Variants in TMEM87B observed in about 807,000 individuals in gnomAD.
TMEM87B encodes the protein transmembrane protein 87B.
TMEM87B carries 83 observed loss-of-function variants against 80.3 expected under a neutral mutation model. The ratio of observed to expected loss-of-function variants is 1.03; its 90% CI spans 0.87 to 1.24. TMEM87B has a LOEUF of 1.24. TMEM87B is among the 50% of genes most tolerant of loss of function. The pLI is 0.00. For synonymous variants in TMEM87B, 219 were observed against 230.5 expected, an observed-to-expected ratio of 0.95 and a Z score of 0.45; for missense variants, 625 against 674.4, an observed-to-expected ratio of 0.93 and a Z score of 0.81.
At chr2:112,102,492 G>A (rs945283275) in intron 15 of TMEM87B, among the ~76,000 whole-genome samples, 1 of 152,050 alleles carries the variant, frequency 6.6e-6, no homozygotes, top group African/African-American at 2.4e-5. Flanking sequence ...TCAGGAGTTC[G>A]AGACCAGCCT....
At chr2:112,081,801 C>A (rs1482579030) in intron 8 of TMEM87B, among the ~76,000 whole-genome samples, 2 of 152,178 alleles carry the variant, frequency 1.3e-5, no homozygotes, top group Non-Finnish European at 2.9e-5. Context: ...ATTAAAACAG[C>A]ACAAAGTTCG....
At chr2:112,061,112 G>A (rs55968417) in intron 2 of TMEM87B, among the ~76,000 whole-genome samples, 4 of 152,268 alleles carry the variant, frequency 2.6e-5, no homozygotes, top group Non-Finnish European at 5.9e-5. Flanking sequence ...GAGTTTTAAG[G>A]TTGATAAAAG....
chr2:112,102,872 C>G (rs1249623207), intron 15 of TMEM87B, among the ~76,000 whole-genome samples: 1 of 152,124 alleles, frequency 6.6e-6, no homozygotes, highest in Non-Finnish European at 1.5e-5. Context: ...TGAACACTTT[C>G]TTCTCAAGAT....
At chr2:112,087,606 A>G (rs764000125) in intron 9 of TMEM87B, among the ~76,000 whole-genome samples, 1 of 151,888 alleles carries the variant, frequency 6.6e-6, no homozygotes, top group Non-Finnish European at 1.5e-5. Context: ...AAACTGTCCT[A>G]GTGCTCGGTT....
In TMEM87B at chr2:112,059,961, T is replaced by C; in HGVS notation, c.166-16T>C. 1.3e-6 allele frequency: 2 copies of C among 1,593,644 alleles called. No individual in the cohort carries two copies. Among genetic ancestry groups the C allele is most frequent in the Non-Finnish European group, 1.7e-6 (2 of 1,167,096 alleles). ...ACTTTCTAACAAGATCTTCCTGTGT[T>C]TGTTTTTCATTTTAGAAATCAGGAC... is the stretch of plus-strand genomic sequence containing the variant. On this transcript the variant is annotated splice_polypyrimidine_tract_variant and intron_variant, in intron 1 of 18. Coordinates refer to ENST00000283206, the MANE Select transcript of TMEM87B (RefSeq NM_032824.3).
chr2:112,086,335 A>G (rs1679144933), intron 9 of TMEM87B, among the ~76,000 whole-genome samples: 1 of 152,266 alleles, frequency 6.6e-6, no homozygotes, highest in South Asian at 2.1e-4. Flanking sequence ...AGATGAATAA[A>G]TAATCAACTT....
In TMEM87B at chr2:112,106,018, A is replaced by G. The variant is rs759598567; in HGVS notation, c.1467A>G (p.Leu489=). Residue 489 remains leucine, a synonymous_variant, in exon 16 of 19, where the codon TTA becomes TTG. Transcript: ENST00000283206. The stretch of plus-strand genomic sequence containing the variant: ...CTCTCGTAGCCGAAGGAATAAAATT[A>G]AGAGCCTCAAAATCAGTTTCCAATG... The part of the protein sequence containing the change: ...TSENLTEGIK[L]RASKSVSNGT... 18 of 1,572,304 alleles carry G rather than the reference A, an allele frequency of 1.1e-5. No individual in the cohort carries two copies. Among genetic ancestry groups the G allele is most frequent in the Non-Finnish European group, 1.5e-5 (18 of 1,164,608 alleles).
At chr2:112,057,387 A>C (rs897458407) in intron 1 of TMEM87B, among the ~76,000 whole-genome samples, 4 of 152,080 alleles carry the variant, frequency 2.6e-5, no homozygotes, top group African/African-American at 9.7e-5. Context: ...GCAATCCTCT[A>C]GTCTCAGTCT....
At chr2:112,111,958 G>A (rs934080425) in intron 17 of TMEM87B, among the ~76,000 whole-genome samples, 37 of 152,274 alleles carry the variant, frequency 2.4e-4, no homozygotes, top group African/African-American at 7.9e-4. Flanking sequence ...GGTGCCAAGC[G>A]TGTAGCAGAC....
chr2:112,089,341 A>G (rs1320099206), intron 9 of TMEM87B, among the ~76,000 whole-genome samples: 1 of 152,242 alleles, frequency 6.6e-6, no homozygotes, highest in Non-Finnish European at 1.5e-5. Context: ...CAGTACCTGA[A>G]TTATATTCAT....
intron 1 of TMEM87B, among the ~76,000 whole-genome samples, chr2:112,057,389 T>G (rs911738741): frequency 6.6e-6 from 1 of 152,172 alleles, no homozygotes; most frequent in Non-Finnish European, 1.5e-5. Flanking sequence ...AATCCTCTAG[T>G]CTCAGTCTCC....
rs772825359 is a variant in TMEM87B, at chr2:112,097,216, C to T, written c.1214-17C>T. 4 of 1,605,370 alleles carry T rather than the reference C, an allele frequency of 2.5e-6. No individual in the cohort carries two copies. Among genetic ancestry groups the T allele is most frequent in the Admixed American group, 1.7e-5 (1 of 57,648 alleles). ...TATTGTTATATTCCTTCAAAGGTGA[C>T]TTTTTGTGTGTTTCAGCTTCTATAG... On this transcript the variant is annotated splice_polypyrimidine_tract_variant and intron_variant, in intron 12 of 18. Coordinates refer to ENST00000283206, the MANE Select transcript of TMEM87B (RefSeq NM_032824.3).
intron 18 of TMEM87B, among the ~76,000 whole-genome samples, 180 bp from the exon 19 acceptor site, chr2:112,115,904 G>A (rs1680009551): frequency 6.6e-6 from 1 of 152,146 alleles, no homozygotes; most frequent in Admixed American, 6.5e-5. Flanking sequence ...CCAAAGTGCT[G>A]AGATTACAGG....
intron 8 of TMEM87B, among the ~76,000 whole-genome samples, chr2:112,082,051 T>G (rs1679013544): frequency 6.6e-6 from 1 of 152,102 alleles, no homozygotes. Flanking sequence ...GTGGAATATG[T>G]GAAGCAGGCA....
At chr2:112,059,487 G>A (rs61101198) in intron 1 of TMEM87B, among the ~76,000 whole-genome samples, 1 of 152,020 alleles carries the variant, frequency 6.6e-6, no homozygotes, top group Non-Finnish European at 1.5e-5. Flanking sequence ...AGAATATCAT[G>A]CTTTTCTGGA....
intron 8 of TMEM87B, among the ~76,000 whole-genome samples, chr2:112,083,705 G>C (rs1010098820): frequency 1.3e-5 from 2 of 152,226 alleles, no homozygotes; most frequent in Non-Finnish European, 2.9e-5. Flanking sequence ...GAACCATTGA[G>C]CTAGGAGGCT....
rs1227706948 is a variant in TMEM87B at position 112,074,966 on chromosome 2, A to G, written c.501+4A>G. 5.7e-6 allele frequency: 9 copies of G among 1,579,974 alleles called. No individual in the cohort carries two copies. The highest frequency in any genetic ancestry group is 6.9e-6 in the Non-Finnish European group (8 of 1,159,814). ...TTCAAACCAGGAAAGATCAATGGTA[A>G]GCAGTTTGATTTGTCTTTAAATCAA... On this transcript the variant is annotated splice_donor_region_variant and intron_variant, in intron 5 of 18. Coordinates refer to ENST00000283206, the MANE Select transcript of TMEM87B (RefSeq NM_032824.3).
chr2:112,056,895 T>A (rs142657987), intron 1 of TMEM87B, among the ~76,000 whole-genome samples: 2,040 of 152,304 alleles, frequency 0.013, 42 homozygotes, highest in African/African-American at 0.046. Flanking sequence ...TAGAACTCAG[T>A]GAACTACTCT....
intron 10 of TMEM87B, 109 bp from the exon 11 acceptor site, chr2:112,091,602 CT>C (rs1462247994): frequency 1.3e-6 from 1 of 744,934 alleles, no homozygotes; most frequent in Non-Finnish European, 2.2e-6. Context: ...TTTTATGTGG[CT>C]TTGTAAAGTA....
Sources: gnomAD v4.1 joint callset for allele counts (sites outside exome capture counted in the v4.1 genomes callset) on GRCh38, gnomAD v4.1.1 for gene constraint, MANE v1.5 for transcripts, NCBI Gene and HGNC (gene_info 2026-07-23, HGNC 2026-07-21) for gene names.